The following GABRA3 variants were observed in gnomAD, a reference collection of about 807,000 sequenced individuals.
GABRA3 encodes gamma-aminobutyric acid type A receptor subunit alpha3.
Under a neutral mutation model 30.1 loss-of-function variants are expected in GABRA3, and 10 were observed. The observed-to-expected ratio is 0.33, with a 90% CI of 0.20 to 0.56. The LOEUF is 0.56. Ranked by LOEUF, GABRA3 falls within the 20% of genes least tolerant of loss-of-function variation. The pLI is 0.89. For synonymous variants in GABRA3, 151 were observed against 146.8 expected (o/e 1.03, Z -0.21); for missense variants, 233 against 392.0 (o/e 0.59, Z 3.42).
chrX:152,198,551 A>C (rs2124354938), intron 7 of GABRA3, among the ~76,000 whole-genome samples: 1 of 111,953 alleles, frequency 8.9e-6, no homozygotes, highest in South Asian at 3.7e-4. Flanking sequence ...CTCTTACTGG[A>C]TTTGTCAGCA....
At chrX:152,197,993 A>C (rs1937410858) in intron 7 of GABRA3, among the ~76,000 whole-genome samples, 1 of 111,401 alleles carries the variant, frequency 9.0e-6, no homozygotes, top group Non-Finnish European at 1.9e-5. Flanking sequence ...GTACCAATAC[A>C]GCTTGCTCGG....
At chrX:152,227,460 G>A (rs1231487247) in intron 5 of GABRA3, among the ~76,000 whole-genome samples, 2 of 105,726 alleles carry the variant, frequency 1.9e-5, no homozygotes, top group African/African-American at 6.9e-5. Context: ...TGCAGCACAC[G>A]AGCATGGCAC....
chrX:152,420,608 AT>A (rs1027961476), intron 1 of GABRA3, among the ~76,000 whole-genome samples: 1 of 111,454 alleles, frequency 9.0e-6, no homozygotes, highest in African/African-American at 3.3e-5. Flanking sequence ...TTGACCATAG[AT>A]TTTGTGCAAT....
At chrX:152,317,613 A>G (rs1939898253) in intron 3 of GABRA3, among the ~76,000 whole-genome samples, 2 of 112,054 alleles carry the variant, frequency 1.8e-5, no homozygotes, top group African/African-American at 6.5e-5. Context: ...AATTATATCA[A>G]GTACTCTCTC....
chrX:152,429,172 C>T lies in GABRA3; in HGVS notation c.-27+21974G>A, dbSNP rs751699930. ...GGAAATAAATTTAAAGAAGGAAATG[C>T]AGGGAAAAGTACAAGTTCAGCCAGA... On this transcript the variant is annotated intron_variant, in intron 1 of 9. Coordinates refer to ENST00000370314, the MANE Select transcript of GABRA3 (RefSeq NM_000808.4). Among the ~76,000 whole-genome samples, 171 of 111,155 alleles carry T rather than the reference C, an allele frequency of 1.5e-3. 1 individual carries two copies. Among genetic ancestry groups the T allele is most frequent in the Non-Finnish European group, 2.8e-3 (146 of 52,968 alleles).
intron 3 of GABRA3, among the ~76,000 whole-genome samples, chrX:152,318,028 C>A (rs1939904851): frequency 9.0e-6 from 1 of 111,065 alleles, no homozygotes; most frequent in African/African-American, 3.3e-5. Context: ...AACAAAAAGC[C>A]TGTTCTTTGA....
At chrX:152,334,422 C>T (rs1940204073) in intron 3 of GABRA3, among the ~76,000 whole-genome samples, 1 of 111,893 alleles carries the variant, frequency 8.9e-6, no homozygotes, top group South Asian at 3.7e-4. Flanking sequence ...AATGGTCTTT[C>T]TTCCTATAGG....
intron 5 of GABRA3, among the ~76,000 whole-genome samples, chrX:152,236,084 G>A (rs112805014): frequency 9.0e-5 from 8 of 88,788 alleles, no homozygotes; most frequent in Admixed American, 1.3e-4. Flanking sequence ...ATGCTGGTGC[G>A]CTGCACCCAC....
chrX:152,315,052 G>A (rs1230826558), intron 3 of GABRA3, among the ~76,000 whole-genome samples: 8 of 111,336 alleles, frequency 7.2e-5, no homozygotes, highest in African/African-American at 2.6e-4. Context: ...GTGGAGACTC[G>A]CACCATGAAC....
intron 1 of GABRA3, among the ~76,000 whole-genome samples, chrX:152,380,560 T>C (rs1013695284): frequency 8.9e-6 from 1 of 111,928 alleles, no homozygotes; most frequent in Non-Finnish European, 1.9e-5. Context: ...GCAACAAACA[T>C]GGGAGTGCAG....
chrX:152,241,343 G>T (rs1318174898), intron 5 of GABRA3, among the ~76,000 whole-genome samples: 3 of 93,475 alleles, frequency 3.2e-5, no homozygotes, highest in African/African-American at 6.7e-5. Flanking sequence ...GGACCCACTT[G>T]AGGAGGCAGT....
chrX:152,168,663 T>C, intron 9 of GABRA3, 100 bp from the exon 10 acceptor site: 1 of 643,073 alleles, frequency 1.6e-6, no homozygotes, highest in Non-Finnish European at 2.4e-6. Flanking sequence ...GGAGGAGCCA[T>C]GAGGGAAGTT....
At chrX:152,380,374 T>C (rs1470810523) in intron 1 of GABRA3, among the ~76,000 whole-genome samples, 1 of 112,426 alleles carries the variant, frequency 8.9e-6, no homozygotes, top group Non-Finnish European at 1.9e-5. Flanking sequence ...TCCTGGCTTA[T>C]TTCAGTTAGC....
chrX:152,211,865 A>G (rs1169866152), intron 6 of GABRA3, among the ~76,000 whole-genome samples: 1 of 111,672 alleles, frequency 9.0e-6, no homozygotes, highest in Admixed American at 9.5e-5. Flanking sequence ...TAGGTGAAAG[A>G]AGGACATTCC....
At chrX:152,387,729 C>G in intron 1 of GABRA3, among the ~76,000 whole-genome samples, 1 of 111,502 alleles carries the variant, frequency 9.0e-6, no homozygotes, top group Non-Finnish European at 1.9e-5. Flanking sequence ...GCAATTAAAG[C>G]AACAAGGCAT....
chrX:152,329,298 T>A (rs1940122413), intron 3 of GABRA3, among the ~76,000 whole-genome samples: 1 of 111,541 alleles, frequency 9.0e-6, no homozygotes, highest in Admixed American at 9.6e-5. Flanking sequence ...TTCAATGCCA[T>A]CCCCATCAAG....
intron 9 of GABRA3, among the ~76,000 whole-genome samples, chrX:152,181,292 C>G (rs1372612590): frequency 1.8e-5 from 2 of 111,403 alleles, no homozygotes. Context: ...ATTTTTTGTA[C>G]TTATTGTGAA....
rs1202238665 is a variant in GABRA3 at position 152,416,792 on chromosome X, T to C, written c.-27+34354A>G. Among the ~76,000 whole-genome samples, 11 of 109,994 alleles carry C rather than the reference T, an allele frequency of 1.0e-4. No individual in the cohort carries two copies. In the South Asian group the frequency reaches 4.4e-3, roughly 44 times the overall value. On this transcript the variant is annotated intron_variant, in intron 1 of 9. Coordinates refer to ENST00000370314, the MANE Select transcript of GABRA3 (RefSeq NM_000808.4). ...AATGGGGAAAGGATTCCCTGTTTAA[T>C]AAATGGTGCTGGGAAAACTGGCTAG...
intron 9 of GABRA3, among the ~76,000 whole-genome samples, chrX:152,171,065 C>A (rs1204011228): frequency 1.8e-5 from 2 of 111,729 alleles, no homozygotes; most frequent in African/African-American, 6.5e-5. Flanking sequence ...TGCTTGTTTG[C>A]AAACTTGCTT....
Sources: gnomAD v4.1 joint callset for allele counts (sites outside exome capture counted in the v4.1 genomes callset) on GRCh38, gnomAD v4.1.1 for gene constraint, MANE v1.5 for transcripts, NCBI Gene and HGNC (gene_info 2026-07-23, HGNC 2026-07-21) for gene names.